KLHL18: variants seen among roughly 807,000 people sequenced by gnomAD.
KLHL18 encodes the protein kelch-like protein 18.
A neutral mutation model predicts 58.5 loss-of-function variants in KLHL18; 38 were observed. That is an observed-to-expected ratio of 0.65 (90% CI 0.50 to 0.85). The LOEUF is 0.85. KLHL18 is among the 40% of genes least tolerant of loss of function. KLHL18 has a pLI of 0.00. For synonymous variants in KLHL18, 303 were observed against 301.9 expected, an observed-to-expected ratio of 1.00 and a Z score of -0.04; for missense variants, 624 against 778.4, an observed-to-expected ratio of 0.80 and a Z score of 2.36.
At chr3:47,316,652 TATATATAC>T (rs1430244213) in intron 1 of KLHL18, among the ~76,000 whole-genome samples, 1 of 141,820 alleles carries the variant, frequency 7.1e-6, no homozygotes, top group Non-Finnish European at 1.6e-5. Context: ...TATGTGTGTG[TATATATAC>T]ATATATACGT....
intron 1 of KLHL18, among the ~76,000 whole-genome samples, chr3:47,288,092 G>A (rs1702714970): frequency 6.6e-6 from 1 of 151,868 alleles, no homozygotes; most frequent in South Asian, 2.1e-4. Flanking sequence ...ATGCTGGCGC[G>A]GGCCTGTAGT....
intron 6 of KLHL18, among the ~76,000 whole-genome samples, chr3:47,336,269 GC>G (rs974633811): frequency 2.6e-5 from 4 of 152,118 alleles, no homozygotes; most frequent in African/African-American, 9.7e-5. Context: ...TATACCTTTG[GC>G]TTTAAGCAGG....
chr3:47,345,070 T>G lies in KLHL18; in HGVS notation c.*1129T>G, dbSNP rs1704199849. The G allele has an allele frequency of 6.6e-6, 1 of 152,382 alleles. No homozygotes were observed. Among genetic ancestry groups the G allele is most frequent in the African/African-American group, 2.4e-5 (1 of 41,446 alleles). The allele number at this position is 152,382 out of a possible 1,614,324, so 9.4% of individuals were successfully genotyped here. A position where few individuals can be genotyped will look rare whatever the true frequency, so the allele number is the denominator to read the frequency against. ...TGGCGCTCATTCAGATTCCCCACTCTCACTAACATTGCTTCCTTTTTTGAC... is the reference window on the plus strand; with the variant it reads ...TGGCGCTCATTCAGATTCCCCACTCGCACTAACATTGCTTCCTTTTTTGAC... On this transcript the variant is annotated 3_prime_UTR_variant, in exon 10 of 10. Transcript: ENST00000232766.
chr3:47,319,508 A>C, intron 1 of KLHL18, 145 bp from the exon 2 acceptor site: 1 of 735,598 alleles, frequency 1.4e-6, no homozygotes, highest in South Asian at 1.8e-5. Context: ...CTTGGCCTCC[A>C]TGCCCTGGGA....
intron 7 of KLHL18, chr3:47,338,176 G>A (rs1379691179): frequency 6.6e-6 from 1 of 151,988 alleles, no homozygotes; most frequent in South Asian, 2.1e-4. Context: ...AGTGTTCTAC[G>A]CCATCCCATA....
At chr3:47,288,626 A>G (rs1363869527) in intron 1 of KLHL18, among the ~76,000 whole-genome samples, 1 of 152,224 alleles carries the variant, frequency 6.6e-6, no homozygotes, top group East Asian at 1.9e-4. Context: ...CTTTTGGAAA[A>G]TATTTGAAAT....
At chr3:47,324,324 T>C (rs1270076589) in intron 3 of KLHL18, among the ~76,000 whole-genome samples, 10 of 135,370 alleles carry the variant, frequency 7.4e-5, no homozygotes, top group African/African-American at 2.2e-4. Context: ...TTTTTTTTTT[T>C]CTGTAAGGTA....
intron 4 of KLHL18, 66 bp downstream of exon 4, chr3:47,330,215 G>T: frequency 6.9e-7 from 1 of 1,441,214 alleles, no homozygotes; most frequent in Non-Finnish European, 9.7e-7. Context: ...TCATTGTTTT[G>T]TTTATGTATT....
intron 2 of KLHL18, among the ~76,000 whole-genome samples, chr3:47,320,175 A>G (rs897647122): frequency 6.6e-6 from 1 of 152,076 alleles, no homozygotes; most frequent in South Asian, 2.1e-4. Flanking sequence ...TTATCAGTCT[A>G]GAACAGTGTT....
chr3:47,344,095 C>T lies in KLHL18; in HGVS notation c.*154C>T, dbSNP rs295458. On this transcript the variant is annotated 3_prime_UTR_variant, in exon 10 of 10. Transcript: ENST00000232766. ...TTTTCCAGGTGCTTAAGCCCTCCCCCACTGTGCCACCCTTGTGACCTTCAG... is the reference window on the plus strand; with the variant it reads ...TTTTCCAGGTGCTTAAGCCCTCCCCTACTGTGCCACCCTTGTGACCTTCAG... 7 of 892,678 alleles carry T rather than the reference C, an allele frequency of 7.8e-6. No individual in the cohort carries two copies. The highest frequency in any genetic ancestry group is 2.6e-5 in the East Asian group (1 of 37,874). The allele number at this position is 892,678 out of a possible 1,614,324, so 55.3% of individuals were successfully genotyped here. A position where few individuals can be genotyped will look rare whatever the true frequency, so the allele number is the denominator to read the frequency against.
intron 1 of KLHL18, among the ~76,000 whole-genome samples, chr3:47,297,245 A>G (rs549206042): frequency 7.0e-4 from 106 of 152,310 alleles, no homozygotes; most frequent in African/African-American, 2.5e-3. Context: ...TGAGCCCAGT[A>G]TGTTTTATTA....
Position 47,336,780 on chromosome 3 carries a change from C to A in KLHL18, c.1121+23C>A, listed in dbSNP as rs956667071. On this transcript the variant is annotated intron_variant, in intron 7 of 9. Transcript: ENST00000232766. ...AAGGTATTCTGGAAGCCACGTGCAG[C>A]CCGAACATACACACTGAGCACCTGG... 4 of 1,573,778 alleles carry A rather than the reference C, an allele frequency of 2.5e-6. No homozygotes were observed. In the African/African-American group the frequency reaches 4.0e-5, roughly 16 times the overall value.
intron 1 of KLHL18, among the ~76,000 whole-genome samples, chr3:47,304,992 C>T (rs1703107541): frequency 6.7e-6 from 1 of 149,738 alleles, no homozygotes; most frequent in South Asian, 2.1e-4. Flanking sequence ...TCACTGCACT[C>T]TTAACTTGGG....
Position 47,343,872 on chromosome 3 carries a change from A to G in KLHL18, c.1656A>G (p.Thr552=), listed in dbSNP as rs1478322599. 1.2e-6 allele frequency: 2 copies of G among 1,614,182 alleles called. No homozygotes were observed. The highest frequency in any genetic ancestry group is 1.1e-5 in the South Asian group (1 of 91,088). ...EMYDPETDCW[T]FMAPMACHEG... ...ATGACCCAGAGACAGACTGCTGGAC[A>G]TTCATGGCCCCCATGGCGTGCCATG... The change falls in exon 10 of 10, where the codon ACA becomes ACG. Residue 552 remains threonine, a synonymous_variant. Coordinates refer to ENST00000232766, the MANE Select transcript of KLHL18 (RefSeq NM_025010.5).
At chr3:47,324,298 C>CTCTTTTTTTTTTT (rs1703659836) in intron 3 of KLHL18, among the ~76,000 whole-genome samples, 1 of 37,486 alleles carries the variant, frequency 2.7e-5, no homozygotes, top group Non-Finnish European at 4.7e-5. Context: ...TTCTTTCTTT[C>CTCTTTTTTTTTTT]TTTTTTTTTT....
chr3:47,326,358 A>G (rs1414786600), intron 3 of KLHL18, among the ~76,000 whole-genome samples: 1 of 152,214 alleles, frequency 6.6e-6, no homozygotes, highest in African/African-American at 2.4e-5. Context: ...CCTGCCTCTG[A>G]TAAAGCATTA....
rs757177708 is a variant in KLHL18 at position 47,336,577 on chromosome 3, A to G, written c.941A>G (p.Asn314Ser). 8 of 1,614,160 alleles carry G rather than the reference A, an allele frequency of 5.0e-6. No homozygotes were observed. The highest frequency in any genetic ancestry group is 4.4e-5 in the South Asian group (4 of 91,084). ...NVVEVFDPIA[N>S]CWERCRPMTT... The stretch of plus-strand genomic sequence containing the variant: ...GTGGAAGTGTTCGACCCCATTGCCA[A>G]TTGCTGGGAGAGATGCCGTCCCATG... The change falls in exon 7 of 10, where the codon AAT (asparagine) becomes AGT (serine). Residue 314 changes from asparagine to serine, a missense_variant. Asn to Ser is a conservative substitution (Grantham distance 46). Transcript: ENST00000232766.
At chr3:47,301,046 G>C (rs978270732) in intron 1 of KLHL18, among the ~76,000 whole-genome samples, 4 of 152,020 alleles carry the variant, frequency 2.6e-5, no homozygotes, top group African/African-American at 9.7e-5. Context: ...ATCTTTTCAT[G>C]TCTTTTGCCC....
intron 1 of KLHL18, among the ~76,000 whole-genome samples, chr3:47,284,481 G>A (rs1702617979): frequency 2.0e-5 from 3 of 151,614 alleles, no homozygotes; most frequent in Non-Finnish European, 2.9e-5. Flanking sequence ...GACTACAGGC[G>A]CGCACCACTA....
Sources: gnomAD v4.1 joint callset for allele counts (sites outside exome capture counted in the v4.1 genomes callset) on GRCh38, gnomAD v4.1.1 for gene constraint, MANE v1.5 for transcripts, NCBI Gene and HGNC (gene_info 2026-07-23, HGNC 2026-07-21) for gene names.